Variants in BCAS4 observed in about 807,000 individuals in gnomAD.
The protein encoded by BCAS4 is breast carcinoma-amplified sequence 4.
BCAS4 carries 9 observed loss-of-function variants against 15.7 expected under a neutral mutation model. The ratio of observed to expected loss-of-function variants is 0.57; its 90% confidence interval spans 0.34 to 1.00. The LOEUF (loss-of-function observed/expected upper bound fraction) is 1.00, where lower values mean the gene tolerates loss of function less well. Ranked by LOEUF, BCAS4 falls within the 50% of genes least tolerant of loss-of-function variation. BCAS4 has a pLI of 0.02. For missense variants in BCAS4, 225 were observed against 239.1 expected (o/e 0.94, Z 0.39); for synonymous variants, 101 against 99.5 (o/e 1.02, Z -0.09).
intron 4 of BCAS4, among the ~76,000 whole-genome samples, chr20:50,874,091 C>A (rs1979794077): frequency 6.6e-6 from 1 of 152,164 alleles, no homozygotes; most frequent in Non-Finnish European, 1.5e-5. Flanking sequence ...ACTGTCGCCC[C>A]TAGAGTGTAT....
At chr20:50,844,305 G>A (rs913401798) in intron 4 of BCAS4, among the ~76,000 whole-genome samples, 4 of 151,344 alleles carry the variant, frequency 2.6e-5, no homozygotes, top group Non-Finnish European at 5.9e-5. Context: ...GTGATGGCAT[G>A]CACCTGTGGC....
chr20:50,876,867 C>A lies in BCAS4; in HGVS notation c.*259C>A. 1 of 304,126 alleles carries A rather than the reference C, an allele frequency of 3.3e-6. No homozygotes were observed. 18.8% of individuals were successfully genotyped at this position (304,126 alleles called of 1,614,324 possible). A position where few individuals can be genotyped will look rare whatever the true frequency, so the allele number is the denominator to read the frequency against. ...GCTGCTGCCATTTTCAAATTTCCTC[C>A]CTGCCTCATGTGAGACCACAGGGTT... On this transcript the variant is annotated 3_prime_UTR_variant, in exon 5 of 5. Coordinates refer to ENST00000371608, the MANE Select transcript of BCAS4 (RefSeq NM_198799.4).
At chr20:50,875,356 A>G (rs1045567503) in intron 4 of BCAS4, among the ~76,000 whole-genome samples, 2 of 152,200 alleles carry the variant, frequency 1.3e-5, no homozygotes, top group African/African-American at 4.8e-5. Context: ...CTCCCTCCAC[A>G]AAAATCCTCA....
chr20:50,813,825 C>T (rs1279302647), intron 1 of BCAS4, among the ~76,000 whole-genome samples: 5 of 150,172 alleles, frequency 3.3e-5, no homozygotes, highest in Non-Finnish European at 5.9e-5. Context: ...CCATGATTCG[C>T]AGGTGTTTGT....
chr20:50,810,720 A>G (rs900275469), intron 1 of BCAS4, among the ~76,000 whole-genome samples: 2 of 151,358 alleles, frequency 1.3e-5, no homozygotes, highest in African/African-American at 4.9e-5. Flanking sequence ...CCTCCCGAGT[A>G]GCTGGGACTA....
intron 4 of BCAS4, among the ~76,000 whole-genome samples, chr20:50,842,618 A>AG (rs2088498724): frequency 2.0e-5 from 3 of 152,176 alleles, no homozygotes; most frequent in Non-Finnish European, 2.9e-5. Context: ...GGGTTTCACC[A>AG]TGTTGGCCAG....
At chr20:50,810,214 C>T (rs2088043004) in intron 1 of BCAS4, among the ~76,000 whole-genome samples, 1 of 151,688 alleles carries the variant, frequency 6.6e-6, no homozygotes, top group Admixed American at 6.6e-5. Context: ...TGGCTTCTGG[C>T]TTCCCGGAGG....
intron 4 of BCAS4, among the ~76,000 whole-genome samples, chr20:50,866,671 C>A (rs904336950): frequency 5.3e-5 from 8 of 152,218 alleles, no homozygotes; most frequent in Non-Finnish European, 1.2e-4. Flanking sequence ...AGGGCAGATG[C>A]TGAAGGGACA....
chr20:50,840,283 A>G (rs2088460535), intron 3 of BCAS4, among the ~76,000 whole-genome samples: 1 of 152,222 alleles, frequency 6.6e-6, no homozygotes, highest in Admixed American at 6.5e-5. Flanking sequence ...TCATTTGAAC[A>G]ACAAGAAAAA....
At chr20:50,874,262 C>T (rs545903829) in intron 4 of BCAS4, among the ~76,000 whole-genome samples, 6 of 152,180 alleles carry the variant, frequency 3.9e-5, no homozygotes, top group Non-Finnish European at 5.9e-5. Context: ...CCTGTCTACG[C>T]GCTGATCCCC....
chr20:50,835,247 T>TTG (rs2088393040), intron 3 of BCAS4, among the ~76,000 whole-genome samples: 2 of 128,820 alleles, frequency 1.6e-5, no homozygotes, highest in Admixed American at 1.5e-4. Context: ...CTACTATAAT[T>TTG]TTTTTTTTTT....
At chr20:50,841,718 G>T in intron 3 of BCAS4, 48 bp from the exon 4 acceptor site, 1 of 1,613,002 alleles carries the variant, frequency 6.2e-7, no homozygotes. Flanking sequence ...CCAGGAATGG[G>T]CTCCAGCCTG....
chr20:50,850,524 TTTAAC>T (rs1361412340), intron 4 of BCAS4, among the ~76,000 whole-genome samples: 1 of 152,254 alleles, frequency 6.6e-6, no homozygotes, highest in Admixed American at 6.5e-5. Context: ...TATGGATATA[TTTAAC>T]TTGAGTTAGT....
chr20:50,803,126 A>G (rs1018152768), intron 1 of BCAS4, among the ~76,000 whole-genome samples: 1 of 152,192 alleles, frequency 6.6e-6, no homozygotes, highest in Non-Finnish European at 1.5e-5. Flanking sequence ...GGTTGCAGTG[A>G]GCCAAGATCG....
intron 3 of BCAS4, among the ~76,000 whole-genome samples, chr20:50,837,714 G>A (rs1232241143): frequency 6.6e-6 from 1 of 152,188 alleles, no homozygotes; most frequent in African/African-American, 2.4e-5. Flanking sequence ...CTCTGGCTGC[G>A]GCTTGGCTGG....
At chr20:50,868,665 C>T (rs1979479723) in intron 4 of BCAS4, among the ~76,000 whole-genome samples, 1 of 152,190 alleles carries the variant, frequency 6.6e-6, no homozygotes, top group Non-Finnish European at 1.5e-5. Context: ...TCAAGCAGTC[C>T]TCCCACCTTG....
chr20:50,832,976 A>G (rs1269683255), intron 3 of BCAS4: 1 of 152,318 alleles, frequency 6.6e-6, no homozygotes, highest in African/African-American at 2.4e-5. Context: ...TTTGGGAGCC[A>G]TCGTTCTGCT....
intron 3 of BCAS4, chr20:50,832,941 G>T (rs954756348): frequency 6.6e-6 from 1 of 152,242 alleles, no homozygotes; most frequent in Non-Finnish European, 1.5e-5. Context: ...ATATTCACAG[G>T]TTCTGGGACT....
intron 4 of BCAS4, among the ~76,000 whole-genome samples, chr20:50,842,306 T>C (rs2088494468): frequency 6.6e-6 from 1 of 152,144 alleles, no homozygotes; most frequent in Non-Finnish European, 1.5e-5. Context: ...GGGACGGGCG[T>C]CCCTCCTGCA....
Sources: allele counts gnomAD v4.1 joint callset (sites outside exome capture counted in the v4.1 genomes callset), GRCh38; gene constraint gnomAD v4.1.1; transcripts MANE v1.5; gene names NCBI Gene and HGNC (gene_info 2026-07-23, HGNC 2026-07-21).